Variants in PCID2 observed in about 807,000 individuals in gnomAD.
The protein encoded by PCID2 is PCI domain containing 2.
Under a neutral mutation model 61.3 loss-of-function variants are expected in PCID2, and 41 were observed. The observed-to-expected ratio is 0.67, with a 90% confidence interval of 0.52 to 0.87. The LOEUF is 0.87. PCID2 is among the 40% of genes least tolerant of loss of function. The pLI, the probability that PCID2 is intolerant of heterozygous loss-of-function variation, is 0.00. For missense variants in PCID2, 392 were observed against 493.4 expected (o/e 0.79, Z 1.95); for synonymous variants, 187 against 177.8 (o/e 1.05, Z -0.41).
At chr13:113,200,673 C>T in intron 1 of PCID2, 157 bp from the exon 2 acceptor site, 1 of 493,762 alleles carries the variant, frequency 2.0e-6, no homozygotes, top group Non-Finnish European at 3.6e-6. Context: ...TCACTACTCT[C>T]TGCAGTGGGT....
chr13:113,180,355 G>T, intron 10 of PCID2, 124 bp from the exon 11 acceptor site: 3 of 716,308 alleles, frequency 4.2e-6, no homozygotes, highest in Non-Finnish European at 7.4e-6. Flanking sequence ...AATGTCCATG[G>T]ATTAAACACA....
chr13:113,166,313 C>G, the PCID2 span: 3 of 152,216 alleles, frequency 2.0e-5, no homozygotes, highest in East Asian at 5.8e-4. Context: ...TTCCTTTACA[C>G]TGAATCTTTG....
the PCID2 span, chr13:113,165,149 TTTA>T: frequency 6.3e-7 from 1 of 1,590,256 alleles, no homozygotes; most frequent in Non-Finnish European, 8.6e-7. Context: ...CGTGCTTCAA[TTTA>T]TTGTTATGAC....
At chr13:113,198,897 T>C (rs112708416) in intron 2 of PCID2, among the ~76,000 whole-genome samples, 3,498 of 152,312 alleles carry the variant, frequency 0.023, 55 homozygotes, top group Non-Finnish European at 0.036. Context: ...TAAGTAACTG[T>C]CATAGGTTTA....
At chr13:113,172,952 T>C (rs1355890342), downstream of PCID2, among the ~76,000 whole-genome samples, 1 of 152,050 alleles carries the variant, frequency 6.6e-6, no homozygotes, top group Non-Finnish European at 1.5e-5. Flanking sequence ...AACTCCAAAA[T>C]TGGAACTTAC....
chr13:113,195,606 G>A (rs2138855872), intron 5 of PCID2, among the ~76,000 whole-genome samples: 1 of 152,066 alleles, frequency 6.6e-6, no homozygotes, highest in South Asian at 2.1e-4. Flanking sequence ...GGCAGAGGCT[G>A]CAGTGAGCCA....
At chr13:113,165,273 A>G in the PCID2 span, 4 of 752,774 alleles carry the variant, frequency 5.3e-6, no homozygotes, top group Admixed American at 4.0e-5. Context: ...TCACACTTCC[A>G]ACCATGTTCT....
downstream of PCID2, among the ~76,000 whole-genome samples, chr13:113,175,452 G>C (rs2037170632): frequency 6.6e-6 from 1 of 150,782 alleles, no homozygotes; most frequent in Non-Finnish European, 1.5e-5. Flanking sequence ...TCAAATTACT[G>C]CAAGAAAATC....
At chr13:113,203,194 T>C (rs540312722) in intron 1 of PCID2, among the ~76,000 whole-genome samples, 1 of 152,350 alleles carries the variant, frequency 6.6e-6, no homozygotes, top group South Asian at 2.1e-4. Flanking sequence ...AAGCAGGAAC[T>C]TAACTTTATC....
At chr13:113,200,696 CTTTTTTT>C (rs998821979) in intron 1 of PCID2, 180 bp from the exon 2 acceptor site, 48 of 221,224 alleles carry the variant, frequency 2.2e-4, no homozygotes, top group African/African-American at 8.6e-4. Flanking sequence ...ACAATAATTT[CTTTTTTT>C]TTTTTTTTTT....
chr13:113,192,583 T>G (rs1335568145), intron 6 of PCID2, among the ~76,000 whole-genome samples: 1 of 152,176 alleles, frequency 6.6e-6, no homozygotes, highest in East Asian at 1.9e-4. Context: ...ATGACAACAT[T>G]TGTGCTTTCA....
At chr13:113,208,462 C>A in intron 1 of PCID2, 137 bp downstream of exon 1, 1 of 1,527,430 alleles carries the variant, frequency 6.5e-7, no homozygotes, top group Non-Finnish European at 8.8e-7. Flanking sequence ...GCTCGCGCGG[C>A]TGCCCGCCGG....
rs2039084999 is a variant in PCID2 at position 113,197,235 on chromosome 13, T to C, written c.209A>G (p.Tyr70Cys). 6.2e-7 allele frequency: 1 copy of C among 1,610,382 alleles called. No homozygotes were observed. The highest frequency in any genetic ancestry group is 1.1e-5 in the South Asian group (1 of 90,998). ...EMFAAHLRCT[Y>C]AVGNHDFIEA... is the part of the protein sequence containing the mutation. The stretch of plus-strand genomic sequence containing the variant: ...TATGAAGTCATGATTCCCCACTGCA[T>C]AAGTGCACCTGGAGGAGAAACAGAA... Residue 70 changes from tyrosine to cysteine, a missense_variant, in exon 4 of 14, where the codon TAT (tyrosine) becomes TGT (cysteine). Transcript: ENST00000337344.
intron 7 of PCID2, among the ~76,000 whole-genome samples, chr13:113,189,636 T>A (rs567775314): frequency 6.6e-6 from 1 of 151,268 alleles, no homozygotes; most frequent in East Asian, 1.9e-4. Flanking sequence ...GACGGAAAGT[T>A]GAGAATTTAA....
chr13:113,185,409 GAT>G, intron 8 of PCID2, 74 bp downstream of exon 8: 3 of 983,182 alleles, frequency 3.1e-6, no homozygotes, highest in South Asian at 1.3e-5. Flanking sequence ...GAGGCTAGCT[GAT>G]ATATATATGA....
At chr13:113,172,010 G>C in the PCID2 span, 14 of 1,613,090 alleles carry the variant, frequency 8.7e-6, no homozygotes, top group South Asian at 3.3e-5. Context: ...TCTCACGGGG[G>C]TCCTGGGCTC....
Position 113,200,510 on chromosome 13 carries a change from C to T in PCID2, c.43G>A (p.Glu15Lys), listed in dbSNP as rs1427153347. 3 of 1,607,398 alleles carry T rather than the reference C, an allele frequency of 1.9e-6. No homozygotes were observed. The highest frequency in any genetic ancestry group is 1.1e-5 in the South Asian group (1 of 90,942). The change falls in exon 2 of 14, where the codon GAA becomes AAA. Residue 15 changes from glutamate to lysine, a missense_variant. Transcript: ENST00000337344. The part of the protein sequence containing the change: ...TINQYLQQVY[E>K]AIDSRDGASC... ...GCTCCATCTCTGCTGTCGATGGCTTCGTACACCTGAAACATTTGAAAGGGA... is the reference window on the plus strand; with the variant it reads ...GCTCCATCTCTGCTGTCGATGGCTTTGTACACCTGAAACATTTGAAAGGGA...
At chr13:113,197,528 A>G (rs2039107556) in intron 3 of PCID2, among the ~76,000 whole-genome samples, 1 of 152,236 alleles carries the variant, frequency 6.6e-6, no homozygotes, top group Non-Finnish European at 1.5e-5. Flanking sequence ...GGGGCTGACA[A>G]TGACATTCAA....
chr13:113,169,828 C>T, the PCID2 span, among the ~76,000 whole-genome samples: 1 of 152,244 alleles, frequency 6.6e-6, no homozygotes, highest in Admixed American at 6.5e-5. Context: ...TCCATGTACA[C>T]GTGATCACCA....
Sources: allele counts gnomAD v4.1 joint callset (sites outside exome capture counted in the v4.1 genomes callset), GRCh38; gene constraint gnomAD v4.1.1; transcripts MANE v1.5; gene names NCBI Gene and HGNC (gene_info 2026-07-23, HGNC 2026-07-21).